PCDHGB7: variants seen among roughly 807,000 people sequenced by gnomAD.
The protein encoded by PCDHGB7 is protocadherin gamma subfamily B, 7, also known as protocadherin gamma-B7.
In PCDHGB7, 37 loss-of-function variants were observed where a neutral mutation model predicts 61.4. The observed-to-expected ratio is 0.60, with a 90% confidence interval of 0.46 to 0.79. PCDHGB7 has a LOEUF of 0.79. PCDHGB7 is among the 30% of genes least tolerant of loss of function. The probability of loss-of-function intolerance (pLI) is 0.00; values close to 1 mark genes in which losing one functional copy is unlikely to be tolerated. For synonymous variants in PCDHGB7, 464 were observed against 503.5 expected (o/e 0.92, Z 1.05); for missense variants, 1,166 against 1,202.5 (o/e 0.97, Z 0.45).
At chr5:141,498,954 A>G (rs1180380627) in intron 2 of PCDHGB7, among the ~76,000 whole-genome samples, 2 of 134,538 alleles carry the variant, frequency 1.5e-5, no homozygotes, top group Non-Finnish European at 3.2e-5. Context: ...AGAAAAAGAG[A>G]GAGAGGGAGG....
Position 141,490,446 on chromosome 5 carries a change from C to T in PCDHGB7, c.2416-4361C>T, listed in dbSNP as rs779502898. 2.5e-6 allele frequency: 4 copies of T among 1,614,196 alleles called. No homozygotes were observed. The highest frequency in any genetic ancestry group is 3.4e-6 in the Non-Finnish European group (4 of 1,180,016). ...CATTTCAGATTAAGCCTTCTGAGAA[C>T]CACTACTCGCTGCTAACCAGCCAGC... On this transcript the variant is annotated intron_variant, in intron 1 of 3. Coordinates refer to ENST00000398594, the MANE Select transcript of PCDHGB7 (RefSeq NM_018927.4). The surrounding 1 kb of genome is among the most constrained non-coding windows in gnomAD (Gnocchi z 5.4).
At chr5:141,488,472 T>C (rs1183465817) in intron 1 of PCDHGB7, among the ~76,000 whole-genome samples, 1 of 152,096 alleles carries the variant, frequency 6.6e-6, no homozygotes, top group East Asian at 1.9e-4. Context: ...CCAGAAATGT[T>C]CCCCTACCCA....
rs1173627393 is a variant in PCDHGB7 at position 141,487,102 on chromosome 5, G to A, written c.2416-7705G>A. ...CAGCTGACCTCCCACCACAGAAGCT[G>A]GTCATTGTGGTAAAGGATAGTGGTA... On this transcript the variant is annotated intron_variant, in intron 1 of 3. Coordinates refer to ENST00000398594, the MANE Select transcript of PCDHGB7 (RefSeq NM_018927.4). This position sits in a 1 kb window ranked among gnomAD's most constrained non-coding sequence, Gnocchi z 5.0. 1 of 1,613,900 alleles carries A rather than the reference G, an allele frequency of 6.2e-7. No homozygotes were observed.
chr5:141,441,739 C>T, intron 1 of PCDHGB7: 1 of 365,272 alleles, frequency 2.7e-6, no homozygotes, highest in South Asian at 2.2e-5. Context: ...GACTAGCTCG[C>T]GCTCGGCGTC....
intron 1 of PCDHGB7, chr5:141,430,885 C>T (rs771554381): frequency 5.6e-6 from 9 of 1,605,218 alleles, no homozygotes; most frequent in South Asian, 1.1e-5. Flanking sequence ...TGGAGAAAGG[C>T]TCTAGGGTGG....
chr5:141,422,715 T>C, intron 1 of PCDHGB7: 7 of 1,603,978 alleles, frequency 4.4e-6, no homozygotes, highest in African/African-American at 1.3e-5. Context: ...CGGATGACAC[T>C]GTCCAGGGGG....
At chr5:141,430,986 C>T (rs549700048) in intron 1 of PCDHGB7, 3 of 1,613,762 alleles carry the variant, frequency 1.9e-6, no homozygotes, top group East Asian at 2.2e-5. Flanking sequence ...CAGCTTTTCG[C>T]CCTGAATCCG....
chr5:141,461,902 C>A (rs1477274695), intron 1 of PCDHGB7, among the ~76,000 whole-genome samples: 1 of 152,116 alleles, frequency 6.6e-6, no homozygotes, highest in African/African-American at 2.4e-5. Flanking sequence ...CGGCTCACTG[C>A]AACCTCTGCC....
intron 1 of PCDHGB7, among the ~76,000 whole-genome samples, chr5:141,438,641 C>T (rs1285585706): frequency 0.044 from 3,509 of 79,018 alleles, 123 homozygotes; most frequent in Non-Finnish European, 0.061. Flanking sequence ...TATATACACA[C>T]ACACACACAC....
rs1386912520 is a variant in PCDHGB7 at position 141,505,425 on chromosome 5, C to T, written c.2507C>T (p.Pro836Leu). 1.2e-6 allele frequency: 2 copies of T among 1,614,060 alleles called. No individual in the cohort carries two copies. The highest frequency in any genetic ancestry group is 1.7e-6 in the Non-Finnish European group (2 of 1,180,022). The change falls in exon 3 of 4, where the codon CCC becomes CTC. Residue 836 changes from proline to leucine, a missense_variant. Physicochemically the swap from Pro to Leu is moderately conservative, Grantham distance 98 (BLOSUM62 -3). Transcript: ENST00000398594. ...AATGGCGATGACACCGGCACCTGGC[C>T]CAACAACCAGTTTGACACAGAGATG... ...SQNGDDTGTW[P>L]NNQFDTEMLQ... is the part of the protein sequence containing the mutation.
In PCDHGB7 at chr5:141,485,051, CCGAACCGCG is replaced by C. The variant is rs2099605816; in HGVS notation, c.2416-9754_2416-9746del. On this transcript the variant is annotated intron_variant, in intron 1 of 3. Coordinates refer to ENST00000398594, the MANE Select transcript of PCDHGB7 (RefSeq NM_018927.4). This position sits in a 1 kb window ranked among gnomAD's most constrained non-coding sequence, Gnocchi z 5.7. ...CGGCGCGTAACCCTTGCGGCGCCGG[CCGAACCGCG>C]CCAGAGCTGGCGCGGGGAAAGGGAG... 1.2e-6 allele frequency: 1 copy of C among 801,304 alleles called. No individual in the cohort carries two copies. Among genetic ancestry groups the C allele is most frequent in the East Asian group, 2.5e-5 (1 of 40,224 alleles). 49.6% of individuals were successfully genotyped at this position (801,304 alleles called of 1,614,324 possible). A position where few individuals can be genotyped will look rare whatever the true frequency, so the allele number is the denominator to read the frequency against.
intron 1 of PCDHGB7, chr5:141,423,244 C>T: frequency 1.2e-6 from 2 of 1,613,984 alleles, no homozygotes; most frequent in Non-Finnish European, 1.7e-6. Context: ...CCCCGAAGTC[C>T]TGGCGGACCT....
chr5:141,467,781 C>G (rs2099151581), intron 1 of PCDHGB7, among the ~76,000 whole-genome samples: 1 of 152,228 alleles, frequency 6.6e-6, no homozygotes, highest in East Asian at 1.9e-4. Context: ...ACCTCAGCCT[C>G]TCAAGTAGCT....
intron 1 of PCDHGB7, among the ~76,000 whole-genome samples, chr5:141,442,926 T>C (rs2098353621): frequency 6.6e-6 from 1 of 152,240 alleles, no homozygotes; most frequent in African/African-American, 2.4e-5. Flanking sequence ...TGTTTCATTT[T>C]CTATTTAAGA....
At position 141,487,748 on chromosome 5, in the gene PCDHGB7, T is replaced by C. The variant is rs1458153935; in HGVS notation, c.2416-7059T>C. On this transcript the variant is annotated intron_variant, in intron 1 of 3. Coordinates refer to ENST00000398594, the MANE Select transcript of PCDHGB7 (RefSeq NM_018927.4). The surrounding 1 kb of genome is among the most constrained non-coding windows in gnomAD (Gnocchi z 5.0). ...TGTCACCATTTTTGTAAGAGGTAAC[T>C]ATGTGGTAGACGCTGTGCTTTGTAA... 1 of 1,557,436 alleles carries C rather than the reference T, an allele frequency of 6.4e-7. No individual in the cohort carries two copies. Among genetic ancestry groups the C allele is most frequent in the Non-Finnish European group, 8.7e-7 (1 of 1,149,514 alleles).
At chr5:141,499,835 C>T (rs931946377) in intron 2 of PCDHGB7, among the ~76,000 whole-genome samples, 2 of 151,916 alleles carry the variant, frequency 1.3e-5, no homozygotes, top group Admixed American at 6.6e-5. Flanking sequence ...TACAGGTGTG[C>T]ACCACCACAC....
chr5:141,434,429 C>T (rs1379210960), intron 1 of PCDHGB7, among the ~76,000 whole-genome samples: 2 of 152,152 alleles, frequency 1.3e-5, no homozygotes, highest in Admixed American at 6.5e-5. Flanking sequence ...TCATGATGGC[C>T]GTAATGCCCA....
At chr5:141,465,266 C>G (rs2099099623) in intron 1 of PCDHGB7, among the ~76,000 whole-genome samples, 1 of 152,096 alleles carries the variant, frequency 6.6e-6, no homozygotes, top group South Asian at 2.1e-4. Flanking sequence ...ATGATACTAG[C>G]CATTTAGTTC....
intron 1 of PCDHGB7, among the ~76,000 whole-genome samples, chr5:141,448,573 AT>A (rs976781630): frequency 1.3e-5 from 2 of 151,652 alleles, no homozygotes; most frequent in East Asian, 1.9e-4. Flanking sequence ...TTATTTCCCC[AT>A]TTTTTTTACA....
Sources: gnomAD v4.1 joint callset for allele counts (sites outside exome capture counted in the v4.1 genomes callset) on GRCh38, gnomAD v4.1.1 for gene constraint, Gnocchi (gnomAD v3.1) non-coding constraint, MANE v1.5 for transcripts, NCBI Gene and HGNC (gene_info 2026-07-23, HGNC 2026-07-21) for gene names.